Variants in ZNF83 observed in about 807,000 individuals in gnomAD.
ZNF83 encodes zinc finger protein 83.
For synonymous variants in ZNF83, 209 were observed against 213.0 expected (o/e 0.98, Z 0.17); for missense variants, 552 against 629.9 (o/e 0.88, Z 1.32).
In ZNF83 at chr19:52,644,736, C is replaced by T. The variant is rs568120112; in HGVS notation, c.-73-9583G>A. Among the ~76,000 whole-genome samples, 14 of 152,092 alleles carry T rather than the reference C, an allele frequency of 9.2e-5. No homozygotes were observed. The East Asian group carries it at 1.5e-3, about 17-fold the overall frequency. On this transcript the variant is annotated intron_variant, in intron 3 of 5. Transcript: ENST00000594682. ...TTTCAATCAAGAATACATGGGTGGC[C>T]GGGTGCGATGGATCATGCCTGATAT...
At chr19:52,617,306 C>T (rs10401904) in intron 2 of ZNF83, 47,953 of 152,042 alleles carry the variant, frequency 0.32, 7,982 homozygotes, top group East Asian at 0.51. Flanking sequence ...GAGCAGACAT[C>T]GGTTTAGGCT....
chr19:52,672,463 T>C (rs1280684096), intron 1 of ZNF83, among the ~76,000 whole-genome samples: 2 of 152,144 alleles, frequency 1.3e-5, no homozygotes, highest in Non-Finnish European at 2.9e-5. Flanking sequence ...AAAAGCATAA[T>C]GTCGTCAGGC....
intron 3 of ZNF83, chr19:52,652,944 A>T: frequency 1.6e-6 from 2 of 1,226,368 alleles, no homozygotes; most frequent in Non-Finnish European, 2.4e-6. Context: ...AGGATGACAT[A>T]TGACTGAAGG....
chr19:52,660,504 G>A (rs1358143304), intron 2 of ZNF83, among the ~76,000 whole-genome samples: 1 of 150,148 alleles, frequency 6.7e-6, no homozygotes, highest in Non-Finnish European at 1.5e-5. Flanking sequence ...TATAATCACA[G>A]CTGCTTGGGA....
chr19:52,665,143 G>A (rs2061632571), intron 1 of ZNF83, among the ~76,000 whole-genome samples: 1 of 152,138 alleles, frequency 6.6e-6, no homozygotes, highest in Admixed American at 6.5e-5. Context: ...TTCATTCACT[G>A]GGGTGGGAGA....
chr19:52,618,362 C>G (rs1423270598), intron 2 of ZNF83: 1 of 153,318 alleles, frequency 6.5e-6, no homozygotes, highest in African/African-American at 2.4e-5. Flanking sequence ...TGGGTTCATG[C>G]CATTCTCCTG....
intron 1 of ZNF83, among the ~76,000 whole-genome samples, chr19:52,675,419 G>A (rs2061786068): frequency 6.6e-6 from 1 of 152,092 alleles, no homozygotes; most frequent in African/African-American, 2.4e-5. Flanking sequence ...GGGATACAAG[G>A]GCTGAGCTGG....
rs549505989 is a variant in ZNF83 at position 52,680,722 on chromosome 19, C to T, written c.-283+9721G>A. Among the ~76,000 whole-genome samples the T allele has an allele frequency of 2.0e-3, 283 of 140,496 alleles. 4 individuals are homozygous for T. Among genetic ancestry groups the T allele is most frequent in the Non-Finnish European group, 1.8e-3 (117 of 66,724 alleles). 92.2% of individuals were successfully genotyped at this position (140,496 alleles called of 152,430 possible). A position where few individuals can be genotyped will look rare whatever the true frequency, so the allele number is the denominator to read the frequency against. On this transcript the variant is annotated intron_variant, in intron 1 of 5. Transcript: ENST00000594682. ...CCGCCTCCCGGGTTCACGCCATTCT[C>T]CTGCCTCAGCCTCCCGAGTAACTGG...
At chr19:52,625,267 G>T (rs2147122639) in intron 2 of ZNF83, among the ~76,000 whole-genome samples, 1 of 152,192 alleles carries the variant, frequency 6.6e-6, no homozygotes, top group East Asian at 1.9e-4. Flanking sequence ...TATTTATACT[G>T]ACTCAAAATA....
intron 2 of ZNF83, chr19:52,618,743 C>G (rs531843596): frequency 3.1e-4 from 333 of 1,071,238 alleles, no homozygotes; most frequent in East Asian, 1.5e-3. Flanking sequence ...CCCCACTGAG[C>G]TATCATGAAG....
At chr19:52,645,214 C>T (rs1052878226) in intron 3 of ZNF83, among the ~76,000 whole-genome samples, 5 of 152,008 alleles carry the variant, frequency 3.3e-5, no homozygotes, top group African/African-American at 7.3e-5. Context: ...TTTGATGTTA[C>T]GGTAAAAGGT....
intron 1 of ZNF83, among the ~76,000 whole-genome samples, chr19:52,669,664 T>C (rs2061697307): frequency 6.6e-6 from 1 of 152,078 alleles, no homozygotes; most frequent in South Asian, 2.1e-4. Flanking sequence ...AACTCAGGGG[T>C]AAATGACCCC....
chr19:52,653,004 CTGA>C, intron 3 of ZNF83: 1 of 1,387,584 alleles, frequency 7.2e-7, no homozygotes, highest in Non-Finnish European at 1.0e-6. Flanking sequence ...TATGAACTCT[CTGA>C]TGTTGTGCAA....
chr19:52,665,039 T>C (rs899919045), intron 1 of ZNF83, among the ~76,000 whole-genome samples: 2 of 152,148 alleles, frequency 1.3e-5, no homozygotes, highest in African/African-American at 2.4e-5. Flanking sequence ...GAATGCAAAC[T>C]AGAATGCGAA....
intron 2 of ZNF83, chr19:52,619,013 C>T (rs2147083057): frequency 1.2e-6 from 2 of 1,603,392 alleles, no homozygotes; most frequent in South Asian, 1.1e-5. Context: ...CAGGCATTTC[C>T]ACTCCTCCTG....
exon 3 of ZNF83, chr19:52,614,299 C>G: frequency 6.2e-7 from 1 of 1,613,788 alleles, no homozygotes. Context: ...GTGTTCTGTC[C>G]CAATATTTGC....
chr19:52,640,528 ACT>A (rs1430927247), upstream of ZNF83, among the ~76,000 whole-genome samples: 3 of 151,552 alleles, frequency 2.0e-5, no homozygotes, highest in African/African-American at 7.3e-5. Flanking sequence ...TAACAGGAAA[ACT>A]CTTTTTTGTT....
chr19:52,627,893 C>CA (rs2060802564), intron 2 of ZNF83, among the ~76,000 whole-genome samples: 1 of 152,128 alleles, frequency 6.6e-6, no homozygotes, highest in Admixed American at 6.5e-5. Flanking sequence ...CATTCCACCA[C>CA]AAAAGAAGTG....
At chr19:52,686,459 C>CATAT (rs3055374) in intron 1 of ZNF83, among the ~76,000 whole-genome samples, 2,026 of 143,018 alleles carry the variant, frequency 0.014, 19 homozygotes, top group Non-Finnish European at 0.023. Context: ...AAAAAAATTA[C>CATAT]ATATATATAT....
Sources: gnomAD v4.1 joint callset for allele counts (sites outside exome capture counted in the v4.1 genomes callset) on GRCh38, gnomAD v4.1.1 for gene constraint, MANE v1.5 for transcripts, NCBI Gene and HGNC (gene_info 2026-07-23, HGNC 2026-07-21) for gene names.